Variants in CDK17 observed in about 807,000 individuals in gnomAD.
The protein encoded by CDK17 is cyclin dependent kinase 17.
CDK17 carries 24 observed loss-of-function variants against 77.6 expected under a neutral mutation model. The ratio of observed to expected loss-of-function variants is 0.31; its 90% CI spans 0.22 to 0.44. The LOEUF (loss-of-function observed/expected upper bound fraction) is 0.44, where lower values mean the gene tolerates loss of function less well. Among genes scored for constraint, CDK17 ranks in the 20% least tolerant of loss-of-function variants. CDK17 has a pLI of 1.00. For missense variants in CDK17, 429 were observed against 622.5 expected, an observed-to-expected ratio of 0.69 and a Z score of 3.31; for synonymous variants, 203 against 210.4, an observed-to-expected ratio of 0.96 and a Z score of 0.30.
intron 5 of CDK17, among the ~76,000 whole-genome samples, chr12:96,309,116 G>A (rs978088103): frequency 2.0e-5 from 3 of 152,060 alleles, no homozygotes; most frequent in African/African-American, 7.2e-5. Flanking sequence ...TGACCTCTAA[G>A]GCTTTTCATT....
At chr12:96,355,398 G>GTT (rs58937020) in intron 1 of CDK17, among the ~76,000 whole-genome samples, 1,738 of 72,550 alleles carry the variant, frequency 0.024, 25 homozygotes, top group Non-Finnish European at 0.032. Context: ...TCTACATTGG[G>GTT]TTTTTTTTTT....
intron 1 of CDK17, among the ~76,000 whole-genome samples, chr12:96,368,164 A>G (rs149084584): frequency 1.4e-3 from 206 of 152,340 alleles, no homozygotes; most frequent in African/African-American, 4.8e-3. Flanking sequence ...ACAGAACAGT[A>G]GATTAAGACT....
At chr12:96,317,020 G>A (rs1433621934) in intron 3 of CDK17, among the ~76,000 whole-genome samples, 1 of 140,600 alleles carries the variant, frequency 7.1e-6, no homozygotes, top group Admixed American at 7.2e-5. Flanking sequence ...AGCTACGGGA[G>A]GACATTCAAA....
chr12:96,362,967 G>A (rs1159684823), intron 1 of CDK17, among the ~76,000 whole-genome samples: 1 of 152,158 alleles, frequency 6.6e-6, no homozygotes, highest in Non-Finnish European at 1.5e-5. Flanking sequence ...CCAAGGTACA[G>A]TGATGAAAGA....
At chr12:96,295,722 C>CA (rs1295555534) in intron 9 of CDK17, among the ~76,000 whole-genome samples, 2 of 152,202 alleles carry the variant, frequency 1.3e-5, no homozygotes, top group Non-Finnish European at 1.5e-5. Flanking sequence ...TTACTTTCAG[C>CA]ACCTCCTACT....
intron 1 of CDK17, among the ~76,000 whole-genome samples, chr12:96,362,583 C>A (rs78205722): frequency 1.2e-4 from 18 of 145,868 alleles, no homozygotes; most frequent in African/African-American, 4.4e-4. Context: ...CTCTAATATC[C>A]TATCTGTAAA....
chr12:96,282,462 G>T, intron 15 of CDK17, 47 bp downstream of exon 15: 1 of 1,284,622 alleles, frequency 7.8e-7, no homozygotes, highest in Non-Finnish European at 1.1e-6. Context: ...CCCTAACCTT[G>T]GACAAATAAA....
At chr12:96,361,569 G>A (rs1953493270) in intron 1 of CDK17, among the ~76,000 whole-genome samples, 3 of 152,130 alleles carry the variant, frequency 2.0e-5, no homozygotes, top group African/African-American at 7.2e-5. Flanking sequence ...AATATTTAGA[G>A]TTACAAAATC....
chr12:96,393,354 C>CAAAAAAAAA (rs10633197), intron 1 of CDK17, among the ~76,000 whole-genome samples: 14 of 43,342 alleles, frequency 3.2e-4, no homozygotes, highest in African/African-American at 8.1e-4. Context: ...GGCTCCGCCT[C>CAAAAAAAAA]AAAAAAAAAA....
chr12:96,396,423 T>C (rs1020837949), intron 1 of CDK17, among the ~76,000 whole-genome samples: 1 of 152,230 alleles, frequency 6.6e-6, no homozygotes. Flanking sequence ...ACATTGTAGA[T>C]TGAATGCTAG....
intron 2 of CDK17, among the ~76,000 whole-genome samples, chr12:96,327,902 T>C (rs918928885): frequency 6.6e-6 from 1 of 152,210 alleles, no homozygotes; most frequent in African/African-American, 2.4e-5. Flanking sequence ...TGAAATATGA[T>C]GTGTTAATGG....
intron 1 of CDK17, among the ~76,000 whole-genome samples, chr12:96,358,047 T>C (rs1230005934): frequency 6.6e-6 from 1 of 152,098 alleles, no homozygotes; most frequent in East Asian, 1.9e-4. Context: ...AGTAATGTGA[T>C]CTTTAACAAA....
intron 1 of CDK17, among the ~76,000 whole-genome samples, chr12:96,381,764 A>T (rs951568031): frequency 6.6e-6 from 1 of 152,056 alleles, no homozygotes; most frequent in African/African-American, 2.4e-5. Flanking sequence ...AAAACAACTT[A>T]TCTAGTTTTT....
At chr12:96,326,779 A>G (rs1952896730) in intron 2 of CDK17, among the ~76,000 whole-genome samples, 1 of 152,216 alleles carries the variant, frequency 6.6e-6, no homozygotes, top group East Asian at 1.9e-4. Flanking sequence ...ACTAGAAAGA[A>G]GGCAAGTGTA....
In CDK17 at chr12:96,280,127, G is replaced by C; in HGVS notation, c.*115C>G. 1 of 989,764 alleles carries C rather than the reference G, an allele frequency of 1.0e-6. No individual in the cohort carries two copies. Among genetic ancestry groups the C allele is most frequent in the Non-Finnish European group, 1.5e-6 (1 of 679,124 alleles). 61.3% of individuals were successfully genotyped at this position (989,764 alleles called of 1,614,324 possible). Reference sequence around the variant, plus strand: ...AATAAAAAGACTCCACTGTGAAGAGGACAGTGTAGACAAACGGAGATTCCA... The same window carrying C: ...AATAAAAAGACTCCACTGTGAAGAGCACAGTGTAGACAAACGGAGATTCCA... On this transcript the variant is annotated 3_prime_UTR_variant, in exon 17 of 17. Coordinates refer to ENST00000261211, the MANE Select transcript of CDK17 (RefSeq NM_002595.5).
intron 2 of CDK17, among the ~76,000 whole-genome samples, chr12:96,326,917 G>A (rs1952898525): frequency 6.6e-6 from 1 of 152,216 alleles, no homozygotes; most frequent in African/African-American, 2.4e-5. Flanking sequence ...ATTGGAAGCA[G>A]TTACGGTAGC....
intron 6 of CDK17, 121 bp from the exon 7 acceptor site, chr12:96,299,104 C>A: frequency 1.8e-6 from 1 of 558,372 alleles, no homozygotes; most frequent in Non-Finnish European, 3.1e-6. Context: ...TTCCATCTTG[C>A]AAAGAAAAAC....
chr12:96,352,983 CA>C (rs200313189), intron 1 of CDK17, among the ~76,000 whole-genome samples: 2,617 of 152,034 alleles, frequency 0.017, 28 homozygotes, highest in Non-Finnish European at 0.027. Context: ...ACATAGAAAC[CA>C]CCTGTCCCAC....
chr12:96,381,219 T>C (rs1421387101), intron 1 of CDK17, among the ~76,000 whole-genome samples: 1 of 152,192 alleles, frequency 6.6e-6, no homozygotes, highest in Admixed American at 6.5e-5. Context: ...GAAATCCATA[T>C]AGATAACATT....
Sources: gnomAD v4.1 joint callset for allele counts (sites outside exome capture counted in the v4.1 genomes callset) on GRCh38, gnomAD v4.1.1 for gene constraint, MANE v1.5 for transcripts, NCBI Gene and HGNC (gene_info 2026-07-23, HGNC 2026-07-21) for gene names.